Variants in ST8SIA6 observed in about 807,000 individuals in gnomAD.
ST8SIA6 encodes the protein ST8 alpha-N-acetyl-neuraminide alpha-2,8-sialyltransferase 6, also known as alpha-2,8-sialyltransferase 8F.
A neutral mutation model predicts 33.6 loss-of-function variants in ST8SIA6; 39 were observed. That is an observed-to-expected ratio of 1.16 (90% CI 0.90 to 1.52). The LOEUF (loss-of-function observed/expected upper bound fraction) is 1.52. Ranked by LOEUF, ST8SIA6 falls within the 40% of genes most tolerant of loss-of-function variation. The probability of loss-of-function intolerance (pLI) is 0.00; values close to 1 mark genes in which losing one functional copy is unlikely to be tolerated. For missense variants in ST8SIA6, 441 were observed against 443.8 expected, an observed-to-expected ratio of 0.99 and a Z score of 0.06; for synonymous variants, 172 against 167.2, an observed-to-expected ratio of 1.03 and a Z score of -0.22.
rs80118966 is a variant in ST8SIA6, at chr10:17,323,270, T to C, written c.636-113A>G. On this transcript the variant is annotated intron_variant, in intron 6 of 7. Transcript: ENST00000377602. ...ACACACCTATCTATAATAATTGTTCTTATGTTGGAGAAATCATTGCTATTG... is the reference window on the plus strand; with the variant it reads ...ACACACCTATCTATAATAATTGTTCCTATGTTGGAGAAATCATTGCTATTG... 2.5e-3 allele frequency: 1,451 copies of C among 577,704 alleles called. 18 individuals are homozygous for C. The African/African-American group carries it at 0.025, about 10-fold the overall frequency. 35.8% of individuals were successfully genotyped at this position (577,704 alleles called of 1,614,324 possible).
Position 17,321,033 on chromosome 10 carries a change from T to C in ST8SIA6, c.1042A>G (p.Lys348Glu), listed in dbSNP as rs200853425. 6.2e-7 allele frequency: 1 copy of C among 1,613,918 alleles called. No individual in the cohort carries two copies. The highest frequency in any genetic ancestry group is 8.5e-7 in the Non-Finnish European group (1 of 1,179,978). Reference protein sequence around the residue: ...VKLYGFWPFSKTVEDIPVSHH... With the variant: ...VKLYGFWPFSETVEDIPVSHH... ...CTGACAGGTATGTCTTCTACAGTTT[T>C]AGAGAAGGGCCAGAATCCATACAGC... The change falls in exon 8 of 8, where the codon AAA becomes GAA. Residue 348 changes from lysine (K) to glutamate (E), a missense_variant. Transcript: ENST00000377602.
intron 2 of ST8SIA6, among the ~76,000 whole-genome samples, chr10:17,411,307 C>G (rs1332555152): frequency 1.3e-5 from 2 of 152,070 alleles, no homozygotes; most frequent in Non-Finnish European, 2.9e-5. Flanking sequence ...CCTCACCCTC[C>G]CTAGTAGCTG....
At chr10:17,395,614 G>A (rs866919677) in intron 2 of ST8SIA6, among the ~76,000 whole-genome samples, 1 of 152,266 alleles carries the variant, frequency 6.6e-6, no homozygotes, top group Non-Finnish European at 1.5e-5. Flanking sequence ...CAGGCATGGT[G>A]GCTAATGCCT....
At chr10:17,334,552 ATT>A (rs1491274670) in intron 4 of ST8SIA6, among the ~76,000 whole-genome samples, 4 of 35,848 alleles carry the variant, frequency 1.1e-4, no homozygotes, top group African/African-American at 3.1e-4. Context: ...AAAAAAAAAA[ATT>A]ATTATTATTA....
chr10:17,340,048 A>T (rs914004982), intron 4 of ST8SIA6, among the ~76,000 whole-genome samples: 1 of 152,204 alleles, frequency 6.6e-6, no homozygotes, highest in African/African-American at 2.4e-5. Context: ...AATTCAAACT[A>T]TTCCTCTAAA....
intron 3 of ST8SIA6, among the ~76,000 whole-genome samples, chr10:17,367,122 A>G (rs914290964): frequency 1.3e-5 from 2 of 152,162 alleles, no homozygotes; most frequent in African/African-American, 4.8e-5. Context: ...ACAAAACAGA[A>G]TTTTCAGTAT....
At position 17,317,458 on chromosome 10, in the gene ST8SIA6, G is replaced by T. The variant is rs754899854; in HGVS notation, c.*3420C>A. On this transcript the variant is annotated 3_prime_UTR_variant, in exon 8 of 8. Coordinates refer to ENST00000377602, the MANE Select transcript of ST8SIA6 (RefSeq NM_001004470.3). ...TGGATTTATCAGATCAAGTGCATCA[G>T]ATATATCAGATGAATTCCTACAATG... 1.3e-5 allele frequency among the ~76,000 whole-genome samples: 2 copies of T among 152,136 alleles called. No individual in the cohort carries two copies. The highest frequency in any genetic ancestry group is 2.9e-5 in the Non-Finnish European group (2 of 68,040).
intron 4 of ST8SIA6, among the ~76,000 whole-genome samples, chr10:17,333,688 TATATATATA>T (rs1848378904): frequency 4.7e-5 from 1 of 21,324 alleles, no homozygotes; most frequent in African/African-American, 1.4e-4. Flanking sequence ...TATATATATA[TATATATATA>T]TATATATATA....
intron 2 of ST8SIA6, among the ~76,000 whole-genome samples, chr10:17,432,955 C>CTTATTTAT (rs767887135): frequency 3.9e-5 from 6 of 152,110 alleles, no homozygotes; most frequent in Non-Finnish European, 8.8e-5. Flanking sequence ...GTGTCACTTC[C>CTTATTTAT]TTATTTATTT....
intron 4 of ST8SIA6, among the ~76,000 whole-genome samples, chr10:17,337,166 G>A (rs1328112098): frequency 1.5e-5 from 2 of 135,788 alleles, no homozygotes; most frequent in Non-Finnish European, 3.2e-5. Flanking sequence ...TCCTCCGGCC[G>A]TTTAAGAAGA....
chr10:17,359,372 G>A (rs1849307395), intron 4 of ST8SIA6, 142 bp downstream of exon 4: 1 of 570,920 alleles, frequency 1.8e-6, no homozygotes, highest in Admixed American at 3.6e-5. Flanking sequence ...TGTGCCTCAT[G>A]AGAGGGTCTT....
intron 4 of ST8SIA6, among the ~76,000 whole-genome samples, chr10:17,338,516 C>T (rs539306450): frequency 6.6e-6 from 1 of 152,108 alleles, no homozygotes; most frequent in Non-Finnish European, 1.5e-5. Context: ...TGGATGCTTT[C>T]CAAAATGGTA....
At chr10:17,329,691 G>A (rs185975804) in intron 5 of ST8SIA6, among the ~76,000 whole-genome samples, 1 of 152,280 alleles carries the variant, frequency 6.6e-6, no homozygotes, top group Admixed American at 6.5e-5. Flanking sequence ...AATAAGGAAT[G>A]TTTTTCTCTG....
chr10:17,383,986 T>C (rs117217351), intron 3 of ST8SIA6, among the ~76,000 whole-genome samples: 4,130 of 152,344 alleles, frequency 0.027, 65 homozygotes, highest in South Asian at 0.06. Flanking sequence ...TCTTAACTTA[T>C]GGCAATACAG....
chr10:17,410,263 G>A (rs1012461901), intron 2 of ST8SIA6: 42 of 152,166 alleles, frequency 2.8e-4, no homozygotes, highest in African/African-American at 9.4e-4. Flanking sequence ...ATAGCAAGAA[G>A]AGTATGTCAC....
chr10:17,353,703 T>C lies in ST8SIA6; in HGVS notation c.377+5811A>G, dbSNP rs986048960. 2.6e-5 allele frequency among the ~76,000 whole-genome samples: 4 copies of C among 152,194 alleles called. No homozygotes were observed. The South Asian group carries it at 6.2e-4, about 24-fold the overall frequency. ...AGTAATCAGGCACGAAATACCTGTTTTACAAGTCATTTGAAAGGTATCTCA... is the reference window on the plus strand; with the variant it reads ...AGTAATCAGGCACGAAATACCTGTTCTACAAGTCATTTGAAAGGTATCTCA... On this transcript the variant is annotated intron_variant, in intron 4 of 7. Transcript: ENST00000377602.
At chr10:17,373,359 G>T (rs554571100) in intron 3 of ST8SIA6, among the ~76,000 whole-genome samples, 17 of 152,222 alleles carry the variant, frequency 1.1e-4, no homozygotes, top group African/African-American at 3.9e-4. Flanking sequence ...TACATATATA[G>T]CACATGCATT....
At chr10:17,339,893 T>TGA (rs1293050852) in intron 4 of ST8SIA6, among the ~76,000 whole-genome samples, 1 of 152,240 alleles carries the variant, frequency 6.6e-6, no homozygotes, top group Admixed American at 6.5e-5. Context: ...TTGAGCTCTA[T>TGA]GAGAAGTGCT....
chr10:17,375,504 C>T (rs920956870), intron 3 of ST8SIA6, among the ~76,000 whole-genome samples: 1 of 152,152 alleles, frequency 6.6e-6, no homozygotes, highest in African/African-American at 2.4e-5. Flanking sequence ...CGGTGCCTCC[C>T]GAGTAGCAAC....
Sources: allele counts gnomAD v4.1 joint callset (sites outside exome capture counted in the v4.1 genomes callset), GRCh38; gene constraint gnomAD v4.1.1; transcripts MANE v1.5; gene names NCBI Gene and HGNC (gene_info 2026-07-23, HGNC 2026-07-21).